Variants in TACR1 observed in about 807,000 individuals in gnomAD.
The protein encoded by TACR1 is tachykinin receptor 1, also known as substance-P receptor.
Under a neutral mutation model 35.8 loss-of-function variants are expected in TACR1, and 25 were observed. The ratio of observed to expected loss-of-function variants is 0.70; its 90% CI spans 0.51 to 0.98. The LOEUF (loss-of-function observed/expected upper bound fraction) is 0.98, where lower values mean the gene tolerates loss of function less well. Ranked by LOEUF, TACR1 falls within the 50% of genes least tolerant of loss-of-function variation. The pLI, the probability that TACR1 is intolerant of heterozygous loss-of-function variation, is 0.00. For missense variants in TACR1, 478 were observed against 522.9 expected, an observed-to-expected ratio of 0.91 and a Z score of 0.84; for synonymous variants, 195 against 206.7, an observed-to-expected ratio of 0.94 and a Z score of 0.48.
intron 1 of TACR1, among the ~76,000 whole-genome samples, chr2:75,178,287 C>T (rs988031982): frequency 6.6e-6 from 1 of 151,806 alleles, no homozygotes; most frequent in East Asian, 1.9e-4. Flanking sequence ...TGGGTTCAAG[C>T]GATTCTCCTG....
At chr2:75,052,250 C>T (rs930890685) in intron 3 of TACR1, among the ~76,000 whole-genome samples, 10 of 152,274 alleles carry the variant, frequency 6.6e-5, no homozygotes, top group Admixed American at 5.2e-4. Context: ...GAGAAAGACC[C>T]CTTGCCCCTT....
chr2:75,077,533 A>G (rs1043424701), intron 2 of TACR1, among the ~76,000 whole-genome samples: 1 of 152,232 alleles, frequency 6.6e-6, no homozygotes, highest in Non-Finnish European at 1.5e-5. Context: ...TGTGGGAACA[A>G]CACAATACAC....
At chr2:75,154,406 G>GCGCGCGCGCGCGCGCACACACA (rs1264139655) in intron 1 of TACR1, 1 of 78,512 alleles carries the variant, frequency 1.3e-5, no homozygotes, top group African/African-American at 6.4e-5. Context: ...CCAAGAGCGC[G>GCGCGCGCGCGCGCGCACACACA]CACGCACACA....
At chr2:75,104,548 A>G (rs1673603114) in intron 2 of TACR1, among the ~76,000 whole-genome samples, 1 of 152,100 alleles carries the variant, frequency 6.6e-6, no homozygotes, top group Non-Finnish European at 1.5e-5. Flanking sequence ...CCTGACAGAC[A>G]TATATGGCAC....
chr2:75,132,500 C>T (rs1674197523), intron 1 of TACR1, among the ~76,000 whole-genome samples: 1 of 150,548 alleles, frequency 6.6e-6, no homozygotes, highest in African/African-American at 2.5e-5. Context: ...TTTACTCACT[C>T]CTCATATTGT....
chr2:75,139,331 A>T (rs1339761945), intron 1 of TACR1, among the ~76,000 whole-genome samples: 1 of 152,248 alleles, frequency 6.6e-6, no homozygotes, highest in African/African-American at 2.4e-5. Flanking sequence ...GAATTTGGGC[A>T]GAGGAGGAAT....
chr2:75,183,113 C>A (rs779714558), intron 1 of TACR1, among the ~76,000 whole-genome samples: 2 of 151,984 alleles, frequency 1.3e-5, no homozygotes, highest in Non-Finnish European at 2.9e-5. Flanking sequence ...TGAGTGTGTT[C>A]AATGTCAGTA....
chr2:75,126,745 T>G (rs1368343305), intron 1 of TACR1, among the ~76,000 whole-genome samples: 1 of 152,260 alleles, frequency 6.6e-6, no homozygotes, highest in East Asian at 1.9e-4. Flanking sequence ...ACTATCCATC[T>G]GACAACGGTC....
intron 1 of TACR1, among the ~76,000 whole-genome samples, chr2:75,153,860 CAGT>C (rs758295993): frequency 1.4e-4 from 21 of 152,148 alleles, no homozygotes; most frequent in Non-Finnish European, 2.8e-4. Context: ...TCCAGGTCAT[CAGT>C]GTACTCTAAG....
intron 1 of TACR1, among the ~76,000 whole-genome samples, chr2:75,147,780 G>A (rs1015940838): frequency 2.7e-5 from 4 of 148,192 alleles, no homozygotes; most frequent in African/African-American, 1.0e-4. Flanking sequence ...GTCTCCCTCT[G>A]TAGGCCAGGC....
chr2:75,121,678 C>G, intron 1 of TACR1, among the ~76,000 whole-genome samples: 1 of 152,334 alleles, frequency 6.6e-6, no homozygotes, highest in East Asian at 1.9e-4. Flanking sequence ...TTTTAAAAGA[C>G]ATCTCTCTCT....
At chr2:75,136,618 A>G (rs1486950186) in intron 1 of TACR1, among the ~76,000 whole-genome samples, 2 of 152,144 alleles carry the variant, frequency 1.3e-5, no homozygotes, top group African/African-American at 4.8e-5. Flanking sequence ...CTCATCTTAC[A>G]GCATCCCTGA....
chr2:75,175,352 C>A (rs1405687638), intron 1 of TACR1, among the ~76,000 whole-genome samples: 1 of 152,136 alleles, frequency 6.6e-6, no homozygotes, highest in Non-Finnish European at 1.5e-5. Context: ...ATTACCCAAA[C>A]CTAGAACTTA....
intron 2 of TACR1, among the ~76,000 whole-genome samples, chr2:75,088,742 G>A (rs1673237017): frequency 1.3e-5 from 2 of 151,992 alleles, no homozygotes; most frequent in African/African-American, 2.4e-5. Flanking sequence ...TAGGCGGATC[G>A]GTGACAAGGA....
At chr2:75,128,595 C>T (rs981930457) in intron 1 of TACR1, among the ~76,000 whole-genome samples, 1 of 152,130 alleles carries the variant, frequency 6.6e-6, no homozygotes. Flanking sequence ...AAATGCTACC[C>T]CTCAGGGGTG....
At chr2:75,175,572 T>C (rs1675392145) in intron 1 of TACR1, among the ~76,000 whole-genome samples, 1 of 152,184 alleles carries the variant, frequency 6.6e-6, no homozygotes, top group African/African-American at 2.4e-5. Context: ...CATGGCCTTT[T>C]GCTCTGTTTT....
At chr2:75,122,571 T>C (rs1054248243) in intron 1 of TACR1, among the ~76,000 whole-genome samples, 1 of 152,168 alleles carries the variant, frequency 6.6e-6, no homozygotes, top group African/African-American at 2.4e-5. Flanking sequence ...CTCTTTCTTC[T>C]GCCTCTTTTA....
chr2:75,199,287 G>C lies in TACR1; in HGVS notation c.-353C>G, dbSNP rs1182184925. On this transcript the variant is annotated 5_prime_UTR_variant, in exon 1 of 5. Transcript: ENST00000305249. ...AGAGATCCCCCGCATTTATGCACCT[G>C]CTGCTGCCTGCAACTCCTATTTCTC... 1 of 241,172 alleles carries C rather than the reference G, an allele frequency of 4.1e-6. No individual in the cohort carries two copies. Among genetic ancestry groups the C allele is most frequent in the Non-Finnish European group, 8.2e-6 (1 of 122,236 alleles). The allele number at this position is 241,172 out of a possible 1,614,324, so 14.9% of individuals were successfully genotyped here.
chr2:75,089,571 T>C (rs1673263971), intron 2 of TACR1, among the ~76,000 whole-genome samples: 1 of 152,152 alleles, frequency 6.6e-6, no homozygotes, highest in Non-Finnish European at 1.5e-5. Flanking sequence ...GTTTCAAACT[T>C]TAAAAAAATA....
Sources: allele counts gnomAD v4.1 joint callset (sites outside exome capture counted in the v4.1 genomes callset), GRCh38; gene constraint gnomAD v4.1.1; transcripts MANE v1.5; gene names NCBI Gene and HGNC (gene_info 2026-07-23, HGNC 2026-07-21).